Variants in MYO5B observed in about 807,000 individuals in gnomAD.
MYO5B encodes the protein unconventional myosin-Vb.
MYO5B carries 143 observed loss-of-function variants against 229.3 expected under a neutral mutation model. That is an observed-to-expected ratio of 0.62 (90% CI 0.54 to 0.72). MYO5B has a LOEUF of 0.72. MYO5B is among the 30% of genes least tolerant of loss of function. The pLI is 0.00. For missense variants in MYO5B, 2,321 were observed against 2,331.0 expected, an observed-to-expected ratio of 1.00 and a Z score of 0.09; for synonymous variants, 918 against 885.2, an observed-to-expected ratio of 1.04 and a Z score of -0.66.
intron 1 of MYO5B, among the ~76,000 whole-genome samples, chr18:50,092,232 A>C (rs576376361): frequency 6.6e-6 from 1 of 152,354 alleles, no homozygotes; most frequent in South Asian, 2.1e-4. Context: ...TAGAAGAGAA[A>C]AATGATAAGC....
intron 22 of MYO5B, among the ~76,000 whole-genome samples, chr18:49,894,719 G>T (rs994126104): frequency 6.6e-6 from 1 of 152,208 alleles, no homozygotes; most frequent in African/African-American, 2.4e-5. Context: ...CCTCCCAGGG[G>T]ATGCCATAGT....
At chr18:49,849,779 G>A (rs760654344) in intron 31 of MYO5B, 119 bp from the exon 32 acceptor site, 13 of 794,672 alleles carry the variant, frequency 1.6e-5, no homozygotes, top group South Asian at 4.0e-5. Context: ...TCAGAAATGC[G>A]CCAGTCAGGG....
chr18:49,919,892 C>A (rs1485353230), intron 17 of MYO5B, among the ~76,000 whole-genome samples: 1 of 152,156 alleles, frequency 6.6e-6, no homozygotes, highest in African/African-American at 2.4e-5. Context: ...TCTTACTTCC[C>A]CAAAAGTAGA....
intron 22 of MYO5B, among the ~76,000 whole-genome samples, chr18:49,892,312 C>A (rs2024724801): frequency 6.6e-6 from 1 of 152,342 alleles, no homozygotes; most frequent in East Asian, 1.9e-4. Flanking sequence ...TGCGACAGAG[C>A]TGCTCTGGAC....
At chr18:49,990,402 C>T (rs1271239674) in intron 7 of MYO5B, 37 bp downstream of exon 7, 4 of 1,560,940 alleles carry the variant, frequency 2.6e-6, no homozygotes, top group Admixed American at 1.7e-5. Context: ...GGAGCAGTAG[C>T]CCACCCCAGA....
In MYO5B at chr18:49,975,055, C is replaced by T. The variant is rs563146420; in HGVS notation, c.1057-440G>A. 1.6e-4 allele frequency among the ~76,000 whole-genome samples: 25 copies of T among 152,276 alleles called. No homozygotes were observed. In the South Asian group the frequency reaches 4.6e-3, roughly 28 times the overall value. ...TGACCATGCAATCCATTCGGAGTAA[C>T]GAACACATTCACACCAAATGCAGTT... is the stretch of plus-strand genomic sequence containing the variant. On this transcript the variant is annotated intron_variant, in intron 9 of 39. Coordinates refer to ENST00000285039, the MANE Select transcript of MYO5B (RefSeq NM_001080467.3).
At chr18:49,921,293 T>G (rs570880575) in intron 17 of MYO5B, among the ~76,000 whole-genome samples, 1 of 150,232 alleles carries the variant, frequency 6.7e-6, no homozygotes, top group African/African-American at 2.5e-5. Context: ...TATCAACATT[T>G]GTACATTCCC....
At chr18:49,972,050 G>A (rs1340512463) in intron 10 of MYO5B, among the ~76,000 whole-genome samples, 2 of 152,132 alleles carry the variant, frequency 1.3e-5, no homozygotes, top group Non-Finnish European at 2.9e-5. Context: ...TCATGGAAGA[G>A]CTGTCAGATA....
At chr18:50,047,898 T>G (rs371028416) in intron 2 of MYO5B, among the ~76,000 whole-genome samples, 1 of 131,488 alleles carries the variant, frequency 7.6e-6, no homozygotes, top group African/African-American at 3.0e-5. Flanking sequence ...ATGAGAACAC[T>G]TGGACACAGG....
chr18:49,834,790 C>G (rs1317022901), intron 39 of MYO5B, among the ~76,000 whole-genome samples: 1 of 152,098 alleles, frequency 6.6e-6, no homozygotes, highest in Non-Finnish European at 1.5e-5. Flanking sequence ...AGGCGCCCAC[C>G]ACCACGCCCG....
At chr18:49,907,243 A>G (rs1483999865) in intron 18 of MYO5B, among the ~76,000 whole-genome samples, 2 of 152,236 alleles carry the variant, frequency 1.3e-5, no homozygotes, top group East Asian at 1.9e-4. Context: ...TGAGAGCCAC[A>G]GGCAAGCTTT....
At chr18:49,870,247 G>T (rs1455150474) in intron 27 of MYO5B, among the ~76,000 whole-genome samples, 1 of 152,186 alleles carries the variant, frequency 6.6e-6, no homozygotes, top group East Asian at 1.9e-4. Context: ...CACAGCAAAA[G>T]AATTAAGTTG....
At chr18:49,939,133 C>G (rs1598897213) in intron 14 of MYO5B, among the ~76,000 whole-genome samples, 1 of 149,144 alleles carries the variant, frequency 6.7e-6, no homozygotes, top group Non-Finnish European at 1.5e-5. Context: ...TACATTAACA[C>G]TCTTTCTTTT....
At position 49,937,542 on chromosome 18, in the gene MYO5B, T is replaced by C. The variant is rs948901153; in HGVS notation, c.1753-145A>G. On this transcript the variant is annotated intron_variant, in intron 14 of 39. Coordinates refer to ENST00000285039, the MANE Select transcript of MYO5B (RefSeq NM_001080467.3). ...CACACACCAACCTGCACAGCAGCGT[T>C]ACTCCCAAAAGCGCCACAAGGTAGG... 7.2e-6 allele frequency: 7 copies of C among 977,440 alleles called. No individual in the cohort carries two copies. In the African/African-American group the frequency reaches 1.1e-4, roughly 16 times the overall value. 60.5% of individuals were successfully genotyped at this position (977,440 alleles called of 1,614,324 possible). A position where few individuals can be genotyped will look rare whatever the true frequency, so the allele number is the denominator to read the frequency against.
chr18:50,166,445 A>G (rs1955692837), intron 1 of MYO5B, among the ~76,000 whole-genome samples: 1 of 152,244 alleles, frequency 6.6e-6, no homozygotes, highest in Non-Finnish European at 1.5e-5. Flanking sequence ...CATCAGGTTT[A>G]CAAAACATCC....
chr18:50,119,237 C>T (rs1325350662), intron 1 of MYO5B, among the ~76,000 whole-genome samples: 1 of 152,184 alleles, frequency 6.6e-6, no homozygotes, highest in East Asian at 1.9e-4. Flanking sequence ...CATGGAGCTG[C>T]ACTGTTCTAT....
chr18:50,001,358 G>C lies in MYO5B; in HGVS notation c.509C>G (p.Thr170Arg). The C allele has an allele frequency of 1.2e-6, 2 of 1,614,160 alleles. No individual in the cohort carries two copies. The highest frequency in any genetic ancestry group is 1.7e-6 in the Non-Finnish European group (2 of 1,179,996). The change falls in exon 5 of 40, where the codon ACG becomes AGG. Residue 170 changes from threonine (T) to arginine (R), a missense_variant. Physicochemically the swap from Thr to Arg is moderately conservative, Grantham distance 71 (BLOSUM62 -1). Around this residue, in one of 2 missense-constraint regions of MYO5B, gnomAD observed 2,113 missense variants for 2,044.7 expected, o/e 1.03. Transcript: ENST00000285039. Reference protein sequence around the residue: ...IVSGESGAGKTVSAKYAMRYF... With the variant: ...IVSGESGAGKRVSAKYAMRYF... ...GCGCATGGCATACTTGGCTGATACC[G>C]TCTTCCCGGCTCCAGACTCCCCACT...
Position 50,047,139 on chromosome 18 carries a change from G to A in MYO5B, c.139-6825C>T, listed in dbSNP as rs568834352. The stretch of plus-strand genomic sequence containing the variant: ...CTGCACAGCAAAAGAAACTACCATC[G>A]GAGTGAACAGACAACCTACAGAATG... On this transcript the variant is annotated intron_variant, in intron 2 of 39. Coordinates refer to ENST00000285039, the MANE Select transcript of MYO5B (RefSeq NM_001080467.3). Among the ~76,000 whole-genome samples, 372 of 152,178 alleles carry A rather than the reference G, an allele frequency of 2.4e-3. 1 individual carries two copies. Among genetic ancestry groups the A allele is most frequent in the African/African-American group, 7.6e-3 (314 of 41,520 alleles).
At chr18:49,877,988 C>A (rs963612087) in intron 24 of MYO5B, 106 bp from the exon 25 acceptor site, 10 of 1,353,062 alleles carry the variant, frequency 7.4e-6, no homozygotes, top group Middle Eastern at 1.8e-4. Context: ...AATTTGTCAA[C>A]AAGAATAGGT....
Sources: allele counts gnomAD v4.1 joint callset (sites outside exome capture counted in the v4.1 genomes callset), GRCh38; gene constraint gnomAD v4.1.1; regional missense constraint gnomAD v4.1.1; transcripts MANE v1.5; gene names NCBI Gene and HGNC (gene_info 2026-07-23, HGNC 2026-07-21).